RAB3GAP1: variants seen among roughly 807,000 people sequenced by gnomAD.
RAB3GAP1 encodes the protein rab3 GTPase-activating protein catalytic subunit.
RAB3GAP1 carries 86 observed loss-of-function variants against 130.7 expected under a neutral mutation model. That is an observed-to-expected ratio of 0.66 (90% CI 0.55 to 0.79). The LOEUF (loss-of-function observed/expected upper bound fraction) is 0.79, where lower values mean the gene tolerates loss of function less well. RAB3GAP1 is among the 30% of genes least tolerant of loss of function. RAB3GAP1 has a pLI of 0.00. For synonymous variants in RAB3GAP1, 367 were observed against 401.7 expected, an observed-to-expected ratio of 0.91 and a Z score of 1.03; for missense variants, 1,029 against 1,169.4, an observed-to-expected ratio of 0.88 and a Z score of 1.75.
At chr2:135,054,823 G>A (rs539547754) in intron 2 of RAB3GAP1, among the ~76,000 whole-genome samples, 13 of 152,238 alleles carry the variant, frequency 8.5e-5, no homozygotes, top group Admixed American at 4.6e-4. Flanking sequence ...TTTGGTTTTT[G>A]GCTTTTACAC....
At chr2:135,133,045 T>C in intron 14 of RAB3GAP1, 61 bp downstream of exon 14, 2 of 998,778 alleles carry the variant, frequency 2.0e-6, no homozygotes, top group Non-Finnish European at 3.2e-6. Flanking sequence ...CTAGAGGTTC[T>C]ATATATTTCT....
chr2:135,074,573 C>G (rs1245955603), intron 3 of RAB3GAP1, among the ~76,000 whole-genome samples: 1 of 152,194 alleles, frequency 6.6e-6, no homozygotes, highest in East Asian at 1.9e-4. Flanking sequence ...GGCTTGGACA[C>G]TGTCCACCAA....
chr2:135,132,184 G>A (rs1030988168), intron 13 of RAB3GAP1, among the ~76,000 whole-genome samples: 2 of 152,158 alleles, frequency 1.3e-5, no homozygotes, highest in Admixed American at 6.5e-5. Flanking sequence ...CTAATCAGCA[G>A]TACCACAAAA....
intron 11 of RAB3GAP1, among the ~76,000 whole-genome samples, chr2:135,128,644 CTT>C (rs1409113972): frequency 4.6e-5 from 7 of 152,166 alleles, no homozygotes; most frequent in Non-Finnish European, 1.0e-4. Context: ...TACCCTACCT[CTT>C]TTAATATTTT....
chr2:135,169,153 C>T lies in RAB3GAP1; in HGVS notation c.*372C>T. On this transcript the variant is annotated 3_prime_UTR_variant, in exon 24 of 24. Coordinates refer to ENST00000264158, the MANE Select transcript of RAB3GAP1 (RefSeq NM_012233.3). The stretch of plus-strand genomic sequence containing the variant: ...GCTGCATTCGTGGTCTGTGCAAACA[C>T]TTCGTGGTTCTATATATCAGCAGCA... The T allele has an allele frequency of 3.0e-6, 1 of 331,074 alleles. No individual in the cohort carries two copies. The highest frequency in any genetic ancestry group is 2.9e-5 in the South Asian group (1 of 34,588). 20.5% of individuals were successfully genotyped at this position (331,074 alleles called of 1,614,324 possible). A position where few individuals can be genotyped will look rare whatever the true frequency, so the allele number is the denominator to read the frequency against.
chr2:135,115,154 T>G, intron 6 of RAB3GAP1, 62 bp from the exon 7 acceptor site: 15 of 1,472,804 alleles, frequency 1.0e-5, no homozygotes, highest in African/African-American at 1.4e-5. Flanking sequence ...GGAAAAAATT[T>G]GAGGTTCAGG....
chr2:135,139,661 C>T (rs776329887), intron 17 of RAB3GAP1, among the ~76,000 whole-genome samples: 1 of 152,002 alleles, frequency 6.6e-6, no homozygotes, highest in Non-Finnish European at 1.5e-5. Context: ...AAATTCCCAT[C>T]ATCCTAGAAC....
intron 2 of RAB3GAP1, among the ~76,000 whole-genome samples, chr2:135,054,950 T>C (rs1246260393): frequency 6.6e-6 from 1 of 152,246 alleles, no homozygotes; most frequent in Admixed American, 6.5e-5. Flanking sequence ...ACTATATAGA[T>C]AATTTATTGA....
chr2:135,155,111 TAAG>T (rs879723165), intron 19 of RAB3GAP1, among the ~76,000 whole-genome samples: 1 of 151,724 alleles, frequency 6.6e-6, no homozygotes, highest in Admixed American at 6.6e-5. Context: ...CTCAAACAGT[TAAG>T]GAGGATATGA....
At chr2:135,145,144 G>A (rs1383263284) in intron 17 of RAB3GAP1, among the ~76,000 whole-genome samples, 3 of 152,094 alleles carry the variant, frequency 2.0e-5, no homozygotes, top group Admixed American at 1.3e-4. Flanking sequence ...CATAGAAAGC[G>A]TAATGATCAA....
intron 13 of RAB3GAP1, 39 bp from the exon 14 acceptor site, chr2:135,132,856 G>A (rs762740713): frequency 8.6e-6 from 10 of 1,162,930 alleles, no homozygotes; most frequent in Non-Finnish European, 1.2e-5. Context: ...AATAGGAAAT[G>A]TGGTCTAAAA....
chr2:135,072,945 G>A (rs888570228), intron 3 of RAB3GAP1, among the ~76,000 whole-genome samples: 7 of 152,188 alleles, frequency 4.6e-5, no homozygotes, highest in Admixed American at 2.6e-4. Context: ...TTTCCTGCTA[G>A]GGTCTGTCTG....
chr2:135,129,495 A>T (rs1573578295), intron 11 of RAB3GAP1, among the ~76,000 whole-genome samples: 1 of 151,798 alleles, frequency 6.6e-6, no homozygotes, highest in East Asian at 1.9e-4. Flanking sequence ...AGTAATAATG[A>T]CGGAAAGAAT....
chr2:135,094,235 T>G (rs1032877117), intron 5 of RAB3GAP1, among the ~76,000 whole-genome samples: 11 of 152,174 alleles, frequency 7.2e-5, no homozygotes, highest in African/African-American at 2.4e-4. Context: ...CAGGCTTTTC[T>G]TTTCTTTTTT....
chr2:135,132,318 T>C (rs973468916), intron 13 of RAB3GAP1, among the ~76,000 whole-genome samples: 1 of 151,592 alleles, frequency 6.6e-6, no homozygotes, highest in Non-Finnish European at 1.5e-5. Flanking sequence ...GTACACTGGA[T>C]TTTTTTTTGA....
intron 3 of RAB3GAP1, among the ~76,000 whole-genome samples, chr2:135,081,330 ATATAT>A (rs1689802773): frequency 7.9e-5 from 6 of 75,504 alleles, no homozygotes; most frequent in African/African-American, 4.1e-4. Flanking sequence ...AAAAAAAAAT[ATATAT>A]ATATATATAT....
At chr2:135,117,444 T>TCTG (rs1691007624) in intron 7 of RAB3GAP1, among the ~76,000 whole-genome samples, 3 of 107,694 alleles carry the variant, frequency 2.8e-5, no homozygotes, top group Admixed American at 2.3e-4. Context: ...TTCTTCTTCT[T>TCTG]CTTCTTCTTC....
chr2:135,089,048 A>G (rs557380679), intron 3 of RAB3GAP1, among the ~76,000 whole-genome samples: 422 of 152,280 alleles, frequency 2.8e-3, no homozygotes, highest in Non-Finnish European at 3.9e-3. Flanking sequence ...TCTTTAATCC[A>G]TCTTAAATTA....
intron 3 of RAB3GAP1, 144 bp downstream of exon 3, chr2:135,058,230 A>G: frequency 1.4e-6 from 1 of 718,222 alleles, no homozygotes. Context: ...ATTTGGAAGA[A>G]TTTGGATTTA....
Sources: allele counts gnomAD v4.1 joint callset (sites outside exome capture counted in the v4.1 genomes callset), GRCh38; gene constraint gnomAD v4.1.1; transcripts MANE v1.5; gene names NCBI Gene and HGNC (gene_info 2026-07-23, HGNC 2026-07-21).